ANKRD44: variants seen among roughly 807,000 people sequenced by gnomAD.
ANKRD44 encodes ankyrin repeat domain 44, also known as serine/threonine-protein phosphatase 6 regulatory ankyrin repeat subunit B.
ANKRD44 carries 35 observed loss-of-function variants against 116.0 expected under a neutral mutation model. The ratio of observed to expected loss-of-function variants is 0.30; its 90% CI spans 0.23 to 0.40. The LOEUF (loss-of-function observed/expected upper bound fraction) is 0.40. Ranked by LOEUF, ANKRD44 falls within the 10% of genes least tolerant of loss-of-function variation. The pLI is 1.00. For synonymous variants in ANKRD44, 435 were observed against 461.8 expected, an observed-to-expected ratio of 0.94 and a Z score of 0.74; for missense variants, 1,014 against 1,242.6, an observed-to-expected ratio of 0.82 and a Z score of 2.77.
intron 21 of ANKRD44, among the ~76,000 whole-genome samples, chr2:196,980,204 A>G (rs1480267242): frequency 1.3e-5 from 2 of 152,230 alleles, no homozygotes; most frequent in Non-Finnish European, 2.9e-5. Context: ...ACTGATGCCA[A>G]AAGGAAATGG....
chr2:197,300,985 T>G (rs937359407), intron 1 of ANKRD44: 1 of 152,038 alleles, frequency 6.6e-6, no homozygotes. Flanking sequence ...TCTCTGGCCA[T>G]CTCTCTGGCC....
At position 196,987,865 on chromosome 2, in the gene ANKRD44, T is replaced by G. The variant is rs944561383; in HGVS notation, c.*1726A>C. On this transcript the variant is annotated 3_prime_UTR_variant, in exon 28 of 28. Transcript: ENST00000282272. ...ATTTTTTTTTCTTAGAAAGCTATGGTGCAAACATAATTTTATTTCTAAGAG... is the reference window on the plus strand; with the variant it reads ...ATTTTTTTTTCTTAGAAAGCTATGGGGCAAACATAATTTTATTTCTAAGAG... The G allele has an allele frequency of 4.1e-6, 4 of 982,462 alleles. No homozygotes were observed. Among genetic ancestry groups the G allele is most frequent in the Non-Finnish European group, 3.6e-6 (3 of 827,416 alleles). The allele number at this position is 982,462 out of a possible 1,614,324, so 60.9% of individuals were successfully genotyped here. A position where few individuals can be genotyped will look rare whatever the true frequency, so the allele number is the denominator to read the frequency against.
chr2:197,232,974 A>T lies in ANKRD44; in HGVS notation c.28-45868T>A, dbSNP rs141632675. 2.5e-3 allele frequency among the ~76,000 whole-genome samples: 374 copies of T among 152,344 alleles called. 1 individual carries two copies. Among genetic ancestry groups the T allele is most frequent in the Middle Eastern group, 6.8e-3 (2 of 294 alleles). ...ATTTGATCCTCATCTTTAGGCCTAT[A>T]GTTCTCTCATTACACCTTTCAATGA... On this transcript the variant is annotated intron_variant, in intron 1 of 27. Transcript: ENST00000282272.
At chr2:197,015,918 G>C (rs2076383442) in intron 17 of ANKRD44, 1 of 529,968 alleles carries the variant, frequency 1.9e-6, no homozygotes, top group Non-Finnish European at 3.7e-6. Flanking sequence ...TTGGATCCAT[G>C]AAAGGGGGTA....
chr2:196,976,697 C>A (rs114549342), intron 21 of ANKRD44, among the ~76,000 whole-genome samples: 1 of 151,964 alleles, frequency 6.6e-6, no homozygotes, highest in Non-Finnish European at 1.5e-5. Flanking sequence ...AAAACCCTAT[C>A]GCCACAAAAA....
At chr2:197,262,854 G>A (rs866592869) in intron 1 of ANKRD44, among the ~76,000 whole-genome samples, 5 of 151,184 alleles carry the variant, frequency 3.3e-5, no homozygotes, top group African/African-American at 7.3e-5. Context: ...GCAGTAAGCC[G>A]AGATCACGCC....
chr2:196,981,469 C>T (rs1327481999), intron 21 of ANKRD44, among the ~76,000 whole-genome samples: 1 of 152,174 alleles, frequency 6.6e-6, no homozygotes, highest in African/African-American at 2.4e-5. Context: ...TAACCCTCCT[C>T]TGTTACTCTA....
intron 1 of ANKRD44, among the ~76,000 whole-genome samples, chr2:197,300,019 A>C (rs1256270971): frequency 1.3e-5 from 2 of 152,202 alleles, no homozygotes; most frequent in African/African-American, 4.8e-5. Context: ...TGGACACAGA[A>C]GGGCCCATAA....
chr2:197,295,012 T>A (rs2083676949), intron 1 of ANKRD44, among the ~76,000 whole-genome samples: 1 of 152,182 alleles, frequency 6.6e-6, no homozygotes. Flanking sequence ...GGCTTCCTTC[T>A]CTACAGTGAT....
intron 17 of ANKRD44, among the ~76,000 whole-genome samples, chr2:197,017,740 A>G (rs1032372306): frequency 2.0e-5 from 3 of 152,170 alleles, no homozygotes; most frequent in African/African-American, 7.2e-5. Context: ...AGCCTTTACC[A>G]TCTCAGTAAA....
intron 1 of ANKRD44, among the ~76,000 whole-genome samples, chr2:197,220,474 T>C (rs750148821): frequency 1.3e-5 from 2 of 152,294 alleles, no homozygotes; most frequent in Non-Finnish European, 2.9e-5. Flanking sequence ...AGATGAGAAA[T>C]ATGATGTAAA....
In ANKRD44 at chr2:197,034,665, T is replaced by C. The variant is rs565989255; in HGVS notation, c.1651-9398A>G. Among the ~76,000 whole-genome samples, 234 of 152,164 alleles carry C rather than the reference T, an allele frequency of 1.5e-3. 1 individual carries two copies. The highest frequency in any genetic ancestry group is 3.8e-3 in the Admixed American group (58 of 15,258). On this transcript the variant is annotated intron_variant, in intron 16 of 27. Coordinates refer to ENST00000282272, the MANE Select transcript of ANKRD44 (RefSeq NM_001195144.2). ...ACTGATTAATCATTCACGAAGGTTC[T>C]ACGTAGAGTCCAGCACTGCTTGACC...
chr2:197,134,882 C>G (rs748725823), intron 4 of ANKRD44: 1 of 152,146 alleles, frequency 6.6e-6, no homozygotes, highest in Non-Finnish European at 1.5e-5. Context: ...AAATACTCCT[C>G]TATGAAGGGG....
intron 9 of ANKRD44, among the ~76,000 whole-genome samples, chr2:197,100,828 GT>G (rs1183926875): frequency 5.3e-5 from 8 of 151,976 alleles, no homozygotes; most frequent in Non-Finnish European, 1.2e-4. Context: ...TTGTCATTAT[GT>G]TTTATTTTGC....
At chr2:196,967,876 G>C (rs1396424917) in intron 21 of ANKRD44, among the ~76,000 whole-genome samples, 2 of 151,792 alleles carry the variant, frequency 1.3e-5, no homozygotes, top group African/African-American at 4.8e-5. Context: ...GGTGGGAGGT[G>C]TCTGGGTCAT....
intron 1 of ANKRD44, among the ~76,000 whole-genome samples, chr2:197,308,412 T>C (rs141508175): frequency 1.2e-4 from 18 of 152,266 alleles, no homozygotes; most frequent in African/African-American, 4.1e-4. Context: ...GGTAAGACTA[T>C]ATAAGGCAAG....
rs200150514 is a variant in ANKRD44 at position 197,154,547 on chromosome 2, C to T, written c.112-7442G>A. ...TGGTACATTCTGGTTTTTTCAACTG[C>T]GAACTGCCTATATGTATCTTTACCT... On this transcript the variant is annotated intron_variant, in intron 2 of 27. Transcript: ENST00000282272. Among the ~76,000 whole-genome samples the T allele has an allele frequency of 5.3e-5, 8 of 152,110 alleles. No homozygotes were observed. The East Asian group carries it at 7.7e-4, about 15-fold the overall frequency.
intron 15 of ANKRD44, among the ~76,000 whole-genome samples, chr2:197,080,698 T>C (rs945910023): frequency 6.6e-6 from 1 of 152,216 alleles, no homozygotes; most frequent in Non-Finnish European, 1.5e-5. Context: ...ACAACCTGCA[T>C]TGGAGCCACA....
chr2:196,984,443 A>G (rs1205733878), downstream of ANKRD44, among the ~76,000 whole-genome samples: 3 of 152,186 alleles, frequency 2.0e-5, no homozygotes, highest in Non-Finnish European at 2.9e-5. Flanking sequence ...TGCTAAAGAG[A>G]CAATTCATAT....
Sources: allele counts gnomAD v4.1 joint callset (sites outside exome capture counted in the v4.1 genomes callset), GRCh38; gene constraint gnomAD v4.1.1; transcripts MANE v1.5; gene names NCBI Gene and HGNC (gene_info 2026-07-23, HGNC 2026-07-21).